Variants in RALGAPA1 observed in about 807,000 individuals in gnomAD.
RALGAPA1 encodes ral GTPase-activating protein subunit alpha-1.
In RALGAPA1, 52 loss-of-function variants were observed where a neutral mutation model predicts 269.6. That is an observed-to-expected ratio of 0.19 (90% confidence interval 0.15 to 0.24). The LOEUF (loss-of-function observed/expected upper bound fraction) is 0.24, where lower values mean the gene tolerates loss of function less well. RALGAPA1 is among the 10% of genes least tolerant of loss of function. The pLI is 1.00. For missense variants in RALGAPA1, 1,917 were observed against 3,013.9 expected, an observed-to-expected ratio of 0.64 and a Z score of 8.52; for synonymous variants, 817 against 1,008.3, an observed-to-expected ratio of 0.81 and a Z score of 3.60.
chr14:35,687,336 C>T (rs1026232481), intron 18 of RALGAPA1, among the ~76,000 whole-genome samples: 1 of 152,012 alleles, frequency 6.6e-6, no homozygotes, highest in African/African-American at 2.4e-5. Context: ...GTATCTATGT[C>T]ACTACTATGC....
At chr14:35,573,589 A>G (rs988386799) in intron 37 of RALGAPA1, among the ~76,000 whole-genome samples, 4 of 152,162 alleles carry the variant, frequency 2.6e-5, no homozygotes, top group African/African-American at 9.7e-5. Flanking sequence ...TATCTCAGAA[A>G]TATGTCATTT....
chr14:35,778,243 G>A (rs1385486318), intron 1 of RALGAPA1, among the ~76,000 whole-genome samples: 2 of 152,082 alleles, frequency 1.3e-5, no homozygotes, highest in Non-Finnish European at 2.9e-5. Flanking sequence ...TAGAGATGGG[G>A]TCTTGTTATG....
chr14:35,620,290 G>T (rs1471883998), intron 35 of RALGAPA1, among the ~76,000 whole-genome samples: 1 of 152,040 alleles, frequency 6.6e-6, no homozygotes, highest in Non-Finnish European at 1.5e-5. Context: ...TGCAGAAAAG[G>T]CCTTTGACAA....
intron 35 of RALGAPA1, 61 bp downstream of exon 35, chr14:35,625,300 T>G: frequency 9.4e-7 from 1 of 1,061,248 alleles, no homozygotes; most frequent in Non-Finnish European, 1.4e-6. Flanking sequence ...ATTCACAGTA[T>G]TATTCTAAAA....
At chr14:35,680,063 C>A (rs1440903034) in intron 21 of RALGAPA1, among the ~76,000 whole-genome samples, 3 of 152,098 alleles carry the variant, frequency 2.0e-5, no homozygotes, top group African/African-American at 2.4e-5. Flanking sequence ...AAATTATAAC[C>A]TTAATGTTTA....
chr14:35,808,883 G>C lies in RALGAPA1; in HGVS notation c.-48C>G. 6.3e-7 allele frequency: 1 copy of C among 1,578,062 alleles called. No homozygotes were observed. ...CCACTGCCACAGCCGGCTCCCAGCC[G>C]GGTCCCGGCGGCAGAAAGTGGAGGG... On this transcript the variant is annotated 5_prime_UTR_variant, in exon 1 of 42. Coordinates refer to ENST00000680220, the MANE Select transcript of RALGAPA1 (RefSeq NM_001346249.2).
intron 1 of RALGAPA1, among the ~76,000 whole-genome samples, chr14:35,782,808 G>A (rs965760606): frequency 6.6e-6 from 1 of 151,794 alleles, no homozygotes; most frequent in Admixed American, 6.6e-5. Context: ...AAATGCAAGT[G>A]ACCCAGAATA....
At chr14:35,636,815 C>T (rs905160874) in intron 31 of RALGAPA1, among the ~76,000 whole-genome samples, 5 of 152,172 alleles carry the variant, frequency 3.3e-5, no homozygotes, top group South Asian at 2.1e-4. Context: ...GCCACTGCAC[C>T]GAGCCTCGAA....
At chr14:35,753,036 G>C (rs767635410) in intron 7 of RALGAPA1, among the ~76,000 whole-genome samples, 5 of 152,122 alleles carry the variant, frequency 3.3e-5, no homozygotes, top group Non-Finnish European at 5.9e-5. Context: ...GTGTGTGTCT[G>C]TGTCTGTGAA....
chr14:35,563,020 C>CAAAAAAAAAA (rs71445944), intron 39 of RALGAPA1, among the ~76,000 whole-genome samples: 15 of 37,254 alleles, frequency 4.0e-4, no homozygotes, highest in South Asian at 2.5e-3. Context: ...GAGTCCGTCT[C>CAAAAAAAAAA]AAAAAAAAAA....
rs549630925 is a variant in RALGAPA1 at position 35,762,413 on chromosome 14, G to T, written c.369+297C>A. The stretch of plus-strand genomic sequence containing the variant: ...TGTGAGTACAGGCACGTGCCACCAC[G>T]CCCGGCTAATTTTTGTATTTTTAGT... On this transcript the variant is annotated intron_variant, in intron 5 of 41. Transcript: ENST00000680220. Among the ~76,000 whole-genome samples the T allele has an allele frequency of 2.2e-4, 33 of 152,068 alleles. 1 individual carries two copies. The South Asian group carries it at 6.4e-3, about 30-fold the overall frequency.
chr14:35,686,870 A>G (rs2065984912), intron 18 of RALGAPA1, among the ~76,000 whole-genome samples: 1 of 152,238 alleles, frequency 6.6e-6, no homozygotes, highest in African/African-American at 2.4e-5. Context: ...ATGTTAGTCA[A>G]TCTTCAGTGT....
At chr14:35,562,905 C>T (rs1223790016) in intron 39 of RALGAPA1, among the ~76,000 whole-genome samples, 1 of 151,306 alleles carries the variant, frequency 6.6e-6, no homozygotes, top group African/African-American at 2.4e-5. Flanking sequence ...CCTGTAGTCC[C>T]AGCGACTCGG....
At chr14:35,802,175 G>C (rs1171253142) in intron 1 of RALGAPA1, among the ~76,000 whole-genome samples, 1 of 152,158 alleles carries the variant, frequency 6.6e-6, no homozygotes, top group Non-Finnish European at 1.5e-5. Flanking sequence ...AGGCTCAGTG[G>C]TGTGTGCCTG....
At chr14:35,756,771 T>C in intron 7 of RALGAPA1, 22 bp downstream of exon 7, 1 of 1,500,420 alleles carries the variant, frequency 6.7e-7, no homozygotes, top group Non-Finnish European at 9.2e-7. Context: ...AGGAGTGTGA[T>C]ATCAAAGAAG....
intron 12 of RALGAPA1, among the ~76,000 whole-genome samples, chr14:35,736,190 G>A (rs2070979924): frequency 6.6e-6 from 1 of 152,070 alleles, no homozygotes; most frequent in African/African-American, 2.4e-5. Context: ...TGAAGGGAGA[G>A]CTGACAGGAT....
In RALGAPA1 at chr14:35,763,310, T is replaced by C. The variant is rs533965207; in HGVS notation, c.326-557A>G. Among the ~76,000 whole-genome samples, 8 of 152,156 alleles carry C rather than the reference T, an allele frequency of 5.3e-5. No individual in the cohort carries two copies. The South Asian group carries it at 1.0e-3, about 20-fold the overall frequency. The stretch of plus-strand genomic sequence containing the variant: ...ATGAATAAATCTACACGTAGTTCCA[T>C]GTTTATTTCACTTACCTGCATTATC... On this transcript the variant is annotated intron_variant, in intron 4 of 41. Transcript: ENST00000680220.
Position 35,684,981 on chromosome 14 carries a change from A to G in RALGAPA1, c.4242T>C (p.Asp1414=). 6.2e-7 allele frequency: 1 copy of G among 1,613,636 alleles called. No individual in the cohort carries two copies. The highest frequency in any genetic ancestry group is 1.1e-5 in the South Asian group (1 of 90,902). The change falls in exon 20 of 42, where the codon GAT becomes GAC. Residue 1414 remains aspartate, a synonymous_variant. Transcript: ENST00000680220. ...SAGSSDLISS[D]SHSDSFSAFQ... The stretch of plus-strand genomic sequence containing the variant: ...AAGCGCTGAAAGAATCCGAATGACT[A>G]TCTGAGCTGATAAGATCACTGCTCC...
chr14:35,548,047 T>A (rs2054606772), intron 41 of RALGAPA1, among the ~76,000 whole-genome samples: 1 of 152,156 alleles, frequency 6.6e-6, no homozygotes, highest in South Asian at 2.1e-4. Flanking sequence ...TATGTCCTCT[T>A]TTCCTGCTTC....
Sources: gnomAD v4.1 joint callset for allele counts (sites outside exome capture counted in the v4.1 genomes callset) on GRCh38, gnomAD v4.1.1 for gene constraint, MANE v1.5 for transcripts, NCBI Gene and HGNC (gene_info 2026-07-23, HGNC 2026-07-21) for gene names.